The following KCNIP4 variants were observed in gnomAD, a reference collection of about 807,000 sequenced individuals.
KCNIP4 encodes the protein Kv channel-interacting protein 4.
A neutral mutation model predicts 34.0 loss-of-function variants in KCNIP4; 12 were observed. The observed-to-expected ratio is 0.35, with a 90% CI of 0.23 to 0.57. The LOEUF (loss-of-function observed/expected upper bound fraction) is 0.57. KCNIP4 is among the 20% of genes least tolerant of loss of function. The pLI is 0.83. For synonymous variants in KCNIP4, 124 were observed against 102.2 expected (o/e 1.21, Z -1.29); for missense variants, 238 against 311.7 (o/e 0.76, Z 1.78).
At chr4:21,579,167 C>T (rs1464275307) in intron 1 of KCNIP4, among the ~76,000 whole-genome samples, 2 of 152,182 alleles carry the variant, frequency 1.3e-5, no homozygotes, top group South Asian at 2.1e-4. Context: ...TGACAGTTCC[C>T]GTAGGTATAA....
intron 1 of KCNIP4, among the ~76,000 whole-genome samples, chr4:21,823,867 C>T (rs993847013): frequency 4.6e-5 from 7 of 152,124 alleles, no homozygotes; most frequent in Admixed American, 3.3e-4. Flanking sequence ...CCTGTATAAA[C>T]ACCCCTCTAC....
chr4:20,890,079 G>A lies in KCNIP4; in HGVS notation c.62-7370C>T, dbSNP rs1577321851. On this transcript the variant is annotated intron_variant, in intron 1 of 8. Coordinates refer to ENST00000382152, the MANE Select transcript of KCNIP4 (RefSeq NM_025221.6). ...TAATACCTATGACATTGCAGATCCC[G>A]AATTCCCTGAGGGGAGGATTCTGTT... Among the ~76,000 whole-genome samples the A allele has an allele frequency of 2.0e-5, 3 of 152,164 alleles. No homozygotes were observed. In the South Asian group the frequency reaches 6.2e-4, roughly 32 times the overall value.
chr4:20,956,382 G>A (rs10014958), intron 1 of KCNIP4, among the ~76,000 whole-genome samples: 11,955 of 152,008 alleles, frequency 0.079, 1,259 homozygotes, highest in African/African-American at 0.25. Context: ...GCGGGTGCCC[G>A]TGGTCCCAGC....
intron 1 of KCNIP4, among the ~76,000 whole-genome samples, chr4:21,196,522 A>G (rs1756067699): frequency 6.6e-6 from 1 of 152,134 alleles, no homozygotes; most frequent in African/African-American, 2.4e-5. Flanking sequence ...ACTTTCGAGG[A>G]TATCTTCAAA....
chr4:21,544,233 TTCTC>T (rs1193017456), intron 1 of KCNIP4, among the ~76,000 whole-genome samples: 3 of 146,250 alleles, frequency 2.1e-5, no homozygotes, highest in Non-Finnish European at 3.0e-5. Context: ...CTATGAGAAA[TTCTC>T]TCTCTGTCTC....
intron 1 of KCNIP4, among the ~76,000 whole-genome samples, chr4:21,856,356 T>G (rs1463223252): frequency 6.6e-6 from 1 of 152,044 alleles, no homozygotes; most frequent in Non-Finnish European, 1.5e-5. Context: ...TATAAAGTTG[T>G]GAGTGGCTCT....
At chr4:21,367,065 C>CT (rs1719852990) in intron 1 of KCNIP4, among the ~76,000 whole-genome samples, 1 of 152,050 alleles carries the variant, frequency 6.6e-6, no homozygotes, top group Non-Finnish European at 1.5e-5. Context: ...CAGCGTTTCC[C>CT]TTCTGATGCA....
intron 1 of KCNIP4, among the ~76,000 whole-genome samples, chr4:21,422,205 T>G (rs1044348385): frequency 4.0e-5 from 6 of 151,844 alleles, no homozygotes; most frequent in Non-Finnish European, 8.8e-5. Flanking sequence ...ACTTTTTTTT[T>G]TTTTTTTTGA....
chr4:20,881,379 TA>T (rs1295586374), intron 2 of KCNIP4, among the ~76,000 whole-genome samples: 2 of 152,160 alleles, frequency 1.3e-5, no homozygotes, highest in Non-Finnish European at 1.5e-5. Context: ...TGTAGCAGTA[TA>T]AAAAGCGAGT....
At chr4:20,970,982 A>G (rs1734889766) in intron 1 of KCNIP4, among the ~76,000 whole-genome samples, 2 of 152,258 alleles carry the variant, frequency 1.3e-5, no homozygotes, top group African/African-American at 2.4e-5. Flanking sequence ...ACTTGATCTA[A>G]CTAGGTGGTT....
chr4:21,101,361 T>C (rs1228277015), intron 1 of KCNIP4, among the ~76,000 whole-genome samples: 1 of 152,092 alleles, frequency 6.6e-6, no homozygotes, highest in Non-Finnish European at 1.5e-5. Flanking sequence ...TCTTTATATA[T>C]AACAAAAATG....
intron 1 of KCNIP4, among the ~76,000 whole-genome samples, chr4:21,863,156 G>A (rs1250888908): frequency 1.3e-5 from 2 of 151,748 alleles, no homozygotes; most frequent in African/African-American, 4.8e-5. Flanking sequence ...CTATGAAGTC[G>A]TTATTCTTCA....
intron 1 of KCNIP4, among the ~76,000 whole-genome samples, chr4:21,340,943 C>T (rs972324004): frequency 6.6e-6 from 1 of 152,060 alleles, no homozygotes; most frequent in Non-Finnish European, 1.5e-5. Context: ...TCGGTGGGAA[C>T]CTCAGAATGT....
At chr4:20,786,967 A>G (rs182685167) in intron 3 of KCNIP4, among the ~76,000 whole-genome samples, 1 of 152,266 alleles carries the variant, frequency 6.6e-6, no homozygotes, top group East Asian at 1.9e-4. Context: ...AAAGAAGTAT[A>G]AATATTTTGT....
intron 1 of KCNIP4, among the ~76,000 whole-genome samples, chr4:21,457,097 C>A (rs1160357793): frequency 6.6e-6 from 1 of 151,964 alleles, no homozygotes; most frequent in Non-Finnish European, 1.5e-5. Flanking sequence ...TTTCACTCTC[C>A]TTCCATTTTA....
At chr4:20,830,071 C>T (rs1196274433) in intron 3 of KCNIP4, among the ~76,000 whole-genome samples, 2 of 152,176 alleles carry the variant, frequency 1.3e-5, no homozygotes, top group Non-Finnish European at 2.9e-5. Context: ...TCAATCCATT[C>T]TTCTGAATGC....
chr4:20,775,089 A>G (rs557120430), intron 3 of KCNIP4, among the ~76,000 whole-genome samples: 3 of 152,184 alleles, frequency 2.0e-5, no homozygotes, highest in Non-Finnish European at 4.4e-5. Flanking sequence ...TCTACTGTGT[A>G]TCAGGCTCTC....
At chr4:21,263,762 T>A (rs1020699526) in intron 1 of KCNIP4, among the ~76,000 whole-genome samples, 1 of 152,120 alleles carries the variant, frequency 6.6e-6, no homozygotes, top group Non-Finnish European at 1.5e-5. Flanking sequence ...GCTCAAGTGA[T>A]CCTCACCCTC....
intron 3 of KCNIP4, among the ~76,000 whole-genome samples, chr4:20,800,516 T>C (rs1245831744): frequency 6.6e-6 from 1 of 152,130 alleles, no homozygotes; most frequent in Non-Finnish European, 1.5e-5. Flanking sequence ...AGAATACACA[T>C]AGGCGATTCA....
Sources: allele counts gnomAD v4.1 joint callset (sites outside exome capture counted in the v4.1 genomes callset), GRCh38; gene constraint gnomAD v4.1.1; transcripts MANE v1.5; gene names NCBI Gene and HGNC (gene_info 2026-07-23, HGNC 2026-07-21).